MYL1: variants seen among roughly 807,000 people sequenced by gnomAD.
MYL1 encodes the protein myosin light chain 1, also known as myosin light chain 1/3, skeletal muscle isoform.
Under a neutral mutation model 21.8 loss-of-function variants are expected in MYL1, and 16 were observed. The ratio of observed to expected loss-of-function variants is 0.74; its 90% CI spans 0.50 to 1.12. The LOEUF (loss-of-function observed/expected upper bound fraction) is 1.12, where lower values mean the gene tolerates loss of function less well. Ranked by LOEUF, MYL1 falls within the 50% of genes most tolerant of loss-of-function variation. The probability of loss-of-function intolerance (pLI) is 0.00; values close to 1 mark genes in which losing one functional copy is unlikely to be tolerated. For synonymous variants in MYL1, 99 were observed against 85.2 expected (o/e 1.16, Z -0.89); for missense variants, 246 against 241.0 (o/e 1.02, Z -0.14).
intron 1 of MYL1, among the ~76,000 whole-genome samples, chr2:210,307,207 C>T (rs1052332923): frequency 3.9e-5 from 6 of 152,224 alleles, no homozygotes; most frequent in Non-Finnish European, 7.4e-5. Flanking sequence ...AGGCCATTCC[C>T]GAAGTCATTT....
In MYL1 at chr2:210,302,513, G is replaced by C. The variant is rs140441697; in HGVS notation, c.135C>G (p.Ile45Met). 8 of 1,609,392 alleles carry C rather than the reference G, an allele frequency of 5.0e-6. No individual in the cohort carries two copies. Among genetic ancestry groups the C allele is most frequent in the Non-Finnish European group, 6.8e-6 (8 of 1,178,660 alleles). Residue 45 changes from isoleucine (I) to methionine (M), a missense_variant and splice_region_variant, in exon 2 of 7, where the codon ATC (isoleucine) becomes ATG (methionine). Physicochemically the swap from Ile to Met is conservative, Grantham distance 10. Transcript: ENST00000352451. ...EEKIDLSAIK[I>M]EFSKEQQDEF... ...CATCCTGCTGTTCCTTAGAGAACTC[G>C]ATCTGTTAGAAAGAAATTGACCACA...
At position 210,303,377 on chromosome 2, in the gene MYL1, C is replaced by T. The variant is rs185164905; in HGVS notation, c.133-862G>A. On this transcript the variant is annotated intron_variant, in intron 1 of 6. Transcript: ENST00000352451. ...TGATAAACAGCTCTAATTATTTTCT[C>T]CTATCTTTAATGGATCTCAACAAAA... Among the ~76,000 whole-genome samples the T allele has an allele frequency of 3.3e-5, 5 of 152,244 alleles. No homozygotes were observed. The East Asian group carries it at 9.7e-4, about 29-fold the overall frequency.
intron 5 of MYL1, 78 bp from the exon 6 acceptor site, chr2:210,291,152 G>A (rs1690069261): frequency 1.3e-5 from 15 of 1,133,118 alleles, no homozygotes; most frequent in Non-Finnish European, 2.0e-5. Flanking sequence ...GGTTTAATGA[G>A]TTAGCTCAAT....
At chr2:210,303,966 C>A (rs897635456) in intron 1 of MYL1, among the ~76,000 whole-genome samples, 1 of 152,174 alleles carries the variant, frequency 6.6e-6, no homozygotes, top group African/African-American at 2.4e-5. Flanking sequence ...GTGGACTTTA[C>A]AAACTTCTAG....
At chr2:210,303,404 C>A (rs1690293583) in intron 1 of MYL1, 4 of 667,398 alleles carry the variant, frequency 6.0e-6, no homozygotes, top group Non-Finnish European at 6.9e-6. Context: ...TCAACAAAAC[C>A]CAAAAGTAGA....
intron 1 of MYL1, among the ~76,000 whole-genome samples, chr2:210,308,248 T>A (rs1428612346): frequency 6.6e-6 from 1 of 151,422 alleles, no homozygotes; most frequent in Non-Finnish European, 1.5e-5. Flanking sequence ...TAATTTTCAC[T>A]CCAATCTCAC....
intron 2 of MYL1, among the ~76,000 whole-genome samples, chr2:210,299,207 T>C (rs1690227985): frequency 6.6e-6 from 1 of 152,202 alleles, no homozygotes; most frequent in Non-Finnish European, 1.5e-5. Context: ...GTTGCTGTGA[T>C]AATCTCTTTA....
At chr2:210,302,058 A>T (rs561088759) in intron 2 of MYL1, among the ~76,000 whole-genome samples, 2 of 152,170 alleles carry the variant, frequency 1.3e-5, no homozygotes, top group East Asian at 3.9e-4. Flanking sequence ...CATTGAAATG[A>T]TATAGGTTTA....
chr2:210,295,490 C>A (rs1318657884), intron 3 of MYL1, among the ~76,000 whole-genome samples: 3 of 151,564 alleles, frequency 2.0e-5, no homozygotes, highest in African/African-American at 7.3e-5. Context: ...AAAAACAAAA[C>A]CAAAAAAGGC....
chr2:210,291,126 A>C (rs750960893), intron 5 of MYL1, 52 bp from the exon 6 acceptor site: 1 of 1,445,876 alleles, frequency 6.9e-7, no homozygotes, highest in Non-Finnish European at 9.7e-7. Context: ...GAAACAGTCA[A>C]ATTTAATAAA....
At chr2:210,311,290 C>T (rs537395554) in intron 1 of MYL1, among the ~76,000 whole-genome samples, 46 of 151,966 alleles carry the variant, frequency 3.0e-4, no homozygotes, top group Non-Finnish European at 5.3e-4. Flanking sequence ...AAATTGGGTG[C>T]CACAATGCGT....
chr2:210,292,726 GT>G (rs539633501), intron 5 of MYL1, among the ~76,000 whole-genome samples: 1 of 152,172 alleles, frequency 6.6e-6, no homozygotes, highest in Admixed American at 6.5e-5. Flanking sequence ...TAATTCTTCT[GT>G]GATTTTTGTG....
intron 3 of MYL1, among the ~76,000 whole-genome samples, chr2:210,296,497 A>C (rs1029235959): frequency 6.6e-6 from 1 of 152,096 alleles, no homozygotes; most frequent in Non-Finnish European, 1.5e-5. Flanking sequence ...TTTAAAAATA[A>C]GGTTTCTGTT....
intron 1 of MYL1, among the ~76,000 whole-genome samples, chr2:210,304,442 A>G (rs1690309766): frequency 1.3e-5 from 2 of 152,008 alleles, no homozygotes; most frequent in South Asian, 2.1e-4. Flanking sequence ...TGCTGTTTCT[A>G]TTTCTACTTC....
At chr2:210,303,105 A>G (rs1690289261) in intron 1 of MYL1, 1 of 388,068 alleles carries the variant, frequency 2.6e-6, no homozygotes, top group African/African-American at 2.1e-5. Flanking sequence ...TATACACATT[A>G]AAAAGACTAC....
intron 5 of MYL1, among the ~76,000 whole-genome samples, chr2:210,293,326 T>C (rs549508845): frequency 4.6e-5 from 7 of 152,310 alleles, no homozygotes; most frequent in African/African-American, 1.4e-4. Context: ...ATTAGTGATT[T>C]GACCTTCACC....
intron 1 of MYL1, among the ~76,000 whole-genome samples, chr2:210,310,878 A>G (rs193265906): frequency 5.9e-5 from 9 of 152,194 alleles, no homozygotes; most frequent in Admixed American, 3.3e-4. Flanking sequence ...CTTACTTTTT[A>G]TAAATAAGGG....
intron 3 of MYL1, among the ~76,000 whole-genome samples, chr2:210,296,991 TTGTGTGTGTG>T (rs36073440): frequency 3.5e-5 from 5 of 143,232 alleles, no homozygotes; most frequent in Non-Finnish European, 7.6e-5. Context: ...TAGTATTCCA[TTGTGTGTGTG>T]TGTGTGTGTG....
chr2:210,291,797 T>A (rs111574056), intron 5 of MYL1, among the ~76,000 whole-genome samples: 1 of 146,230 alleles, frequency 6.8e-6, no homozygotes, highest in African/African-American at 2.5e-5. Flanking sequence ...GTTAAAAAAA[T>A]TTGGCAGTTA....
Sources: allele counts gnomAD v4.1 joint callset (sites outside exome capture counted in the v4.1 genomes callset), GRCh38; gene constraint gnomAD v4.1.1; transcripts MANE v1.5; gene names NCBI Gene and HGNC (gene_info 2026-07-23, HGNC 2026-07-21).